The following QTRT2 variants were observed in gnomAD, a reference collection of about 807,000 sequenced individuals.
The protein encoded by QTRT2 is queuine tRNA-ribosyltransferase domain containing 1.
QTRT2 carries 32 observed loss-of-function variants against 44.8 expected under a neutral mutation model. The ratio of observed to expected loss-of-function variants is 0.71; its 90% CI spans 0.54 to 0.96. The LOEUF (loss-of-function observed/expected upper bound fraction) is 0.96, where lower values mean the gene tolerates loss of function less well. Ranked by LOEUF, QTRT2 falls within the 40% of genes least tolerant of loss-of-function variation. QTRT2 has a pLI of 0.00. For synonymous variants in QTRT2, 182 were observed against 187.4 expected (o/e 0.97, Z 0.24); for missense variants, 461 against 503.1 (o/e 0.92, Z 0.80).
intron 2 of QTRT2, among the ~76,000 whole-genome samples, chr3:114,058,065 C>A (rs991181682): frequency 6.6e-6 from 1 of 152,180 alleles, no homozygotes; most frequent in East Asian, 1.9e-4. Flanking sequence ...CTCAGTTTAT[C>A]ATACATAAAA....
Position 114,057,040 on chromosome 3 carries a change from A to C in QTRT2, c.-88A>C, listed in dbSNP as rs911927003. The C allele has an allele frequency of 5.0e-6, 7 of 1,391,852 alleles. No individual in the cohort carries two copies. In the African/African-American group the frequency reaches 1.0e-4, roughly 20 times the overall value. 86.2% of individuals were successfully genotyped at this position (1,391,852 alleles called of 1,614,324 possible). A position where few individuals can be genotyped will look rare whatever the true frequency, so the allele number is the denominator to read the frequency against. On this transcript the variant is annotated 5_prime_UTR_variant, in exon 2 of 10. Transcript: ENST00000281273. ...GGTTTCTGTAAGTTCAGATTCTCATAAATCGTGTGAGCGTCGCCGACACCT... is the reference window on the plus strand; with the variant it reads ...GGTTTCTGTAAGTTCAGATTCTCATCAATCGTGTGAGCGTCGCCGACACCT...
chr3:114,085,659 G>C lies in QTRT2; in HGVS notation c.1017-14G>C. 6.2e-7 allele frequency: 1 copy of C among 1,605,380 alleles called. No individual in the cohort carries two copies. Among genetic ancestry groups the C allele is most frequent in the Non-Finnish European group, 8.5e-7 (1 of 1,172,040 alleles). ...TCCGTACTTTCTGGAATGTCACTGT[G>C]ACTTCTTTCTTAGGTACCAGGAGGA... On this transcript the variant is annotated splice_polypyrimidine_tract_variant and intron_variant, in intron 9 of 9. Coordinates refer to ENST00000281273, the MANE Select transcript of QTRT2 (RefSeq NM_024638.4).
At position 114,082,809 on chromosome 3, in the gene QTRT2, A is replaced by G. The variant is rs573285746; in HGVS notation, c.1016+15A>G. On this transcript the variant is annotated intron_variant, in intron 9 of 9. Coordinates refer to ENST00000281273, the MANE Select transcript of QTRT2 (RefSeq NM_024638.4). Reference sequence around the variant, plus strand: ...AAGGAAAAAAAGTAAGAAATTTTTAAAAGTTTGGATTTTGCTTTCTGACTT... The same window carrying G: ...AAGGAAAAAAAGTAAGAAATTTTTAGAAGTTTGGATTTTGCTTTCTGACTT... 1.1e-5 allele frequency: 14 copies of G among 1,224,634 alleles called. No homozygotes were observed. The highest frequency in any genetic ancestry group is 2.4e-5 in the East Asian group (1 of 42,216). The allele number at this position is 1,224,634 out of a possible 1,614,324, so 75.9% of individuals were successfully genotyped here. A position where few individuals can be genotyped will look rare whatever the true frequency, so the allele number is the denominator to read the frequency against.
Position 114,073,997 on chromosome 3 carries a change from T to G in QTRT2, c.547-2746T>G, listed in dbSNP as rs190448020. ...CTCCAAGATTCGGTTTTTGGCTTTC[T>G]TTTCTTCTCCATATATTACCTGGGT... On this transcript the variant is annotated intron_variant, in intron 6 of 9. Coordinates refer to ENST00000281273, the MANE Select transcript of QTRT2 (RefSeq NM_024638.4). Among the ~76,000 whole-genome samples, 698 of 152,302 alleles carry G rather than the reference T, an allele frequency of 4.6e-3. 7 individuals carry two copies. Among genetic ancestry groups the G allele is most frequent in the African/African-American group, 0.016 (666 of 41,550 alleles).
At chr3:114,062,106 C>T (rs2076894990) in intron 2 of QTRT2, among the ~76,000 whole-genome samples, 1 of 151,824 alleles carries the variant, frequency 6.6e-6, no homozygotes, top group Non-Finnish European at 1.5e-5. Context: ...TGGCTCACGC[C>T]TGTAATCCCA....
At chr3:114,066,032 C>T (rs1321243027) in intron 3 of QTRT2, among the ~76,000 whole-genome samples, 196 bp from the exon 4 acceptor site, 1 of 152,174 alleles carries the variant, frequency 6.6e-6, no homozygotes, top group African/African-American at 2.4e-5. Context: ...CTCACAGAAC[C>T]ACTAGCAAGT....
intron 9 of QTRT2, chr3:114,083,061 T>C (rs1296244958): frequency 1.2e-5 from 5 of 414,028 alleles, no homozygotes; most frequent in South Asian, 8.3e-5. Context: ...TTGTTTGGCG[T>C]CTTGTATTCC....
intron 4 of QTRT2, 77 bp from the exon 5 acceptor site, chr3:114,067,910 C>G (rs769707723): frequency 7.7e-7 from 1 of 1,300,630 alleles, no homozygotes; most frequent in Admixed American, 1.7e-5. Context: ...GTACACATTG[C>G]GAAGCTGCTC....
Position 114,056,798 on chromosome 3 carries a change from C to T in QTRT2, c.-196C>T, listed in dbSNP as rs1402114728. The T allele has an allele frequency of 6.5e-6, 10 of 1,528,510 alleles. No homozygotes were observed. Among genetic ancestry groups the T allele is most frequent in the South Asian group, 1.2e-5 (1 of 83,098 alleles). 94.7% of individuals were successfully genotyped at this position (1,528,510 alleles called of 1,614,324 possible). On this transcript the variant is annotated 5_prime_UTR_variant, in exon 1 of 10. In the 5' UTR this introduces an upstream ATG that the reference lacks. Transcript: ENST00000281273. ...TTTTGGGGCAGAGAATTTTGCAACA[C>T]GTGGTAGTGAACTGTGAGGAGTTTG...
chr3:114,085,238 C>T (rs1052364650), intron 9 of QTRT2, among the ~76,000 whole-genome samples: 8 of 151,892 alleles, frequency 5.3e-5, no homozygotes, highest in Non-Finnish European at 8.8e-5. Flanking sequence ...GATGGAGTCT[C>T]GCTCTGTTGC....
In QTRT2 at chr3:114,082,921, C is replaced by T. The variant is rs776281670; in HGVS notation, c.1016+127C>T. 1.4e-5 allele frequency: 9 copies of T among 643,828 alleles called. No homozygotes were observed. In the South Asian group the frequency reaches 1.5e-4, roughly 11 times the overall value. 39.9% of individuals were successfully genotyped at this position (643,828 alleles called of 1,614,324 possible). A position where few individuals can be genotyped will look rare whatever the true frequency, so the allele number is the denominator to read the frequency against. On this transcript the variant is annotated intron_variant, in intron 9 of 9. Coordinates refer to ENST00000281273, the MANE Select transcript of QTRT2 (RefSeq NM_024638.4). ...ATTAATAGTTGGGTATTATTTAGGC[C>T]TTCTCAAATTCGATTTCAAAAAAAC... is the stretch of plus-strand genomic sequence containing the variant.
At chr3:114,070,495 A>T (rs2077010371) in intron 5 of QTRT2, 131 bp from the exon 6 acceptor site, 2 of 750,106 alleles carry the variant, frequency 2.7e-6, no homozygotes, top group Non-Finnish European at 4.3e-6. Context: ...CCTATTACCC[A>T]CCATGTCTGG....
chr3:114,070,761 A>T lies in QTRT2; in HGVS notation c.469A>T (p.Ile157Leu). Reference protein sequence around the residue: ...GEVSCKEATSIKRVRKSVDRS... With the variant: ...GEVSCKEATSLKRVRKSVDRS... ...AGTATCTTGTAAGGAAGCAACTTCC[A>T]TAAAAAGGGTCAGAAAGTCTGTTGA... The change falls in exon 6 of 10, where the codon ATA (isoleucine) becomes TTA (leucine). Residue 157 changes from isoleucine (I) to leucine (L), a missense_variant. Ile to Leu is a conservative substitution (Grantham distance 5). Transcript: ENST00000281273. The T allele has an allele frequency of 6.2e-7, 1 of 1,614,112 alleles. No individual in the cohort carries two copies. The highest frequency in any genetic ancestry group is 8.5e-7 in the Non-Finnish European group (1 of 1,179,978).
intron 2 of QTRT2, among the ~76,000 whole-genome samples, chr3:114,064,710 G>A (rs948313021): frequency 6.6e-6 from 1 of 152,080 alleles, no homozygotes; most frequent in East Asian, 1.9e-4. Flanking sequence ...ATCTGTTTAT[G>A]TTTTGACATT....
intron 2 of QTRT2, among the ~76,000 whole-genome samples, chr3:114,059,271 G>A (rs1423809657): frequency 6.6e-6 from 1 of 152,132 alleles, no homozygotes; most frequent in Non-Finnish European, 1.5e-5. Context: ...TCTCAGGAAT[G>A]CCATCTGTGA....
intron 6 of QTRT2, among the ~76,000 whole-genome samples, chr3:114,074,520 T>G (rs1357542692): frequency 2.0e-5 from 3 of 152,204 alleles, no homozygotes; most frequent in Admixed American, 2.0e-4. Context: ...CCTGGATCAT[T>G]AAAGTTGTCT....
intron 7 of QTRT2, chr3:114,077,736 G>T (rs1219254789): frequency 7.1e-6 from 1 of 140,698 alleles, no homozygotes; most frequent in African/African-American, 2.6e-5. Context: ...TTTTTGAGAC[G>T]GAGTTTTGCT....
At position 114,068,045 on chromosome 3, in the gene QTRT2, TG is replaced by T; in HGVS notation, c.317del (p.Gly106ValfsTer3). ...LHDPVSPCPA[G>X]YVTNKSVSVW... ...ACGATCCAGTCAGCCCCTGCCCGGC[TG>T]GTTATGTAACAAACAAGGTGTGTTT... On this transcript the variant is annotated frameshift_variant, in exon 5 of 10. Transcript: ENST00000281273. LOFTEE classifies it high-confidence loss of function. 6.2e-7 allele frequency: 1 copy of T among 1,613,904 alleles called. No individual in the cohort carries two copies. The highest frequency in any genetic ancestry group is 8.5e-7 in the Non-Finnish European group (1 of 1,179,832).
chr3:114,065,733 G>A (rs1400971040), intron 3 of QTRT2, among the ~76,000 whole-genome samples: 1 of 152,162 alleles, frequency 6.6e-6, no homozygotes, highest in African/African-American at 2.4e-5. Context: ...GGCGGGGAAT[G>A]TTCTGTGAGA....
Sources: gnomAD v4.1 joint callset for allele counts (sites outside exome capture counted in the v4.1 genomes callset) on GRCh38, gnomAD v4.1.1 for gene constraint, MANE v1.5 for transcripts, NCBI Gene and HGNC (gene_info 2026-07-23, HGNC 2026-07-21) for gene names.